Variants in COL4A2 observed in about 807,000 individuals in gnomAD.
COL4A2 encodes the protein collagen alpha-2(IV) chain.
COL4A2 carries 99 observed loss-of-function variants against 200.2 expected under a neutral mutation model. The observed-to-expected ratio is 0.49, with a 90% CI of 0.42 to 0.58. COL4A2 has a LOEUF of 0.58. COL4A2 is among the 20% of genes least tolerant of loss of function. COL4A2 has a pLI of 0.00. For synonymous variants in COL4A2, 897 were observed against 900.6 expected (o/e 1.00, Z 0.07); for missense variants, 1,950 against 2,314.1 (o/e 0.84, Z 3.23).
rs3825490 is a variant in COL4A2, at chr13:110,465,637, C to T, written c.1978+31C>T. 0.078 allele frequency: 121,367 copies of T among 1,552,914 alleles called. 6,584 individuals are homozygous for T. The highest frequency in any genetic ancestry group is 0.25 in the East Asian group (11,317 of 44,406). On this transcript the variant is annotated intron_variant, in intron 25 of 47. Coordinates refer to ENST00000360467, the MANE Select transcript of COL4A2 (RefSeq NM_001846.4). ...AAGGAATCCTCCCTTTTACCTTTCACAGTCCTGAGACATTCCACGCTTTCC... is the reference window on the plus strand; with the variant it reads ...AAGGAATCCTCCCTTTTACCTTTCATAGTCCTGAGACATTCCACGCTTTCC...
At chr13:110,430,233 CT>C in intron 8 of COL4A2, 167 bp from the exon 9 acceptor site, 1 of 812,260 alleles carries the variant, frequency 1.2e-6, no homozygotes. Flanking sequence ...AAAATATATT[CT>C]GACTAAATAA....
rs531069117 is a variant in COL4A2 at position 110,420,441 on chromosome 13, A to G, written c.181-4293A>G. 8.6e-5 allele frequency among the ~76,000 whole-genome samples: 13 copies of G among 151,112 alleles called. No homozygotes were observed. The South Asian group carries it at 2.3e-3, about 27-fold the overall frequency. ...CAGGGCGGGGGGCAGGGGACATGAC[A>G]TTACCACTCCTGTCCACAGCGTCTC... On this transcript the variant is annotated intron_variant, in intron 4 of 47. Transcript: ENST00000360467.
rs547382652 is a variant in COL4A2 at position 110,320,661 on chromosome 13, T to C, written c.99+12538T>C. 4.0e-5 allele frequency among the ~76,000 whole-genome samples: 6 copies of C among 149,282 alleles called. No individual in the cohort carries two copies. The South Asian group carries it at 1.2e-3, about 31-fold the overall frequency. ...CTAACTCTGAGGCCATCTGCTTCTT[T>C]TTATATCAAAACAGAGCAGCGTCTC... On this transcript the variant is annotated intron_variant, in intron 3 of 47. Transcript: ENST00000360467.
intron 3 of COL4A2, among the ~76,000 whole-genome samples, chr13:110,330,395 G>A (rs912390270): frequency 2.0e-5 from 3 of 152,150 alleles, no homozygotes; most frequent in African/African-American, 4.8e-5. Flanking sequence ...GCTGGGAGGC[G>A]CGGGGTGGAG....
Position 110,317,655 on chromosome 13 carries a change from A to G in COL4A2, c.99+9532A>G, listed in dbSNP as rs112732352. ...ATACATGAGAATGGGCAAAGGGACA[A>G]TTTCACCTGCAGAACCAAGAGTCCT... On this transcript the variant is annotated intron_variant, in intron 3 of 47. Coordinates refer to ENST00000360467, the MANE Select transcript of COL4A2 (RefSeq NM_001846.4). Among the ~76,000 whole-genome samples the G allele has an allele frequency of 4.4e-3, 674 of 152,310 alleles. 2 individuals are homozygous for G. Among genetic ancestry groups the G allele is most frequent in the African/African-American group, 0.015 (629 of 41,568 alleles).
intron 14 of COL4A2, 49 bp from the exon 15 acceptor site, chr13:110,438,569 G>T (rs1460191875): frequency 3.1e-6 from 5 of 1,612,610 alleles, no homozygotes; most frequent in Non-Finnish European, 4.2e-6. Context: ...CTGTTGGCTG[G>T]AGGGGCCGCC....
chr13:110,512,225 T>C lies in COL4A2; in HGVS notation c.*34T>C. The stretch of plus-strand genomic sequence containing the variant: ...GTGCCAGGAAGGGCCATTTTGGTGC[T>C]TATTCTTAACTTATTACCTCAGGTG... On this transcript the variant is annotated 3_prime_UTR_variant, in exon 48 of 48. Coordinates refer to ENST00000360467, the MANE Select transcript of COL4A2 (RefSeq NM_001846.4). 1 of 1,591,106 alleles carries C rather than the reference T, an allele frequency of 6.3e-7. No individual in the cohort carries two copies. Among genetic ancestry groups the C allele is most frequent in the Non-Finnish European group, 8.5e-7 (1 of 1,171,126 alleles).
At chr13:110,491,484 C>G (rs1165088472) in intron 37 of COL4A2, 144 bp downstream of exon 37, 1 of 664,408 alleles carries the variant, frequency 1.5e-6, no homozygotes, top group Non-Finnish European at 2.7e-6. Context: ...AGGAGCTTTC[C>G]TCAGTGCTGA....
At chr13:110,492,202 C>T in intron 38 of COL4A2, 25 bp downstream of exon 38, 1 of 1,544,064 alleles carries the variant, frequency 6.5e-7, no homozygotes, top group Non-Finnish European at 8.8e-7. Flanking sequence ...AACACGTGGT[C>T]ACCCAGACCC....
In COL4A2 at chr13:110,485,833, CCG is replaced by C; in HGVS notation, c.3205_3206del (p.Arg1069GlyfsTer2). 1 of 1,613,296 alleles carries C rather than the reference CCG, an allele frequency of 6.2e-7. No individual in the cohort carries two copies. On this transcript the variant is annotated frameshift_variant and splice_region_variant, in exon 34 of 48. Coordinates refer to ENST00000360467, the MANE Select transcript of COL4A2 (RefSeq NM_001846.4). LOFTEE classifies it high-confidence loss of function. ...CGGGATTCCCAGGATTCATAGGAAG[CCG>C]GGTGAGTGGGCGTCTTTTACTCCCC... ...ITGFPGFIGS[R>X]GDKGAPGRAG...
chr13:110,487,007 C>T (rs571866797), intron 34 of COL4A2, among the ~76,000 whole-genome samples: 1 of 152,184 alleles, frequency 6.6e-6, no homozygotes, highest in Admixed American at 6.5e-5. Context: ...CAGTGTGAAC[C>T]CTTAGTAGCA....
chr13:110,336,402 A>G (rs1392725551), intron 3 of COL4A2, among the ~76,000 whole-genome samples: 1 of 152,206 alleles, frequency 6.6e-6, no homozygotes, highest in Non-Finnish European at 1.5e-5. Context: ...AGGTTTTTAT[A>G]GGCTCCATAA....
In COL4A2 at chr13:110,495,537, G is replaced by T. The variant is rs76809453; in HGVS notation, c.3760+70G>T. ...GAACCCACCCAGAGGTGGGGCCATG[G>T]AGTGTCTATGGGGTGGGAGAGGCTG... On this transcript the variant is annotated intron_variant, in intron 40 of 47. Coordinates refer to ENST00000360467, the MANE Select transcript of COL4A2 (RefSeq NM_001846.4). 5,255 of 1,561,778 alleles carry T rather than the reference G, an allele frequency of 3.4e-3. 114 individuals are homozygous for T. The African/African-American group carries it at 0.053, about 16-fold the overall frequency.
intron 3 of COL4A2, among the ~76,000 whole-genome samples, chr13:110,352,338 A>C (rs548214843): frequency 1.2e-3 from 183 of 152,316 alleles, no homozygotes; most frequent in African/African-American, 4.1e-3. Flanking sequence ...TTAAGGACCC[A>C]CTGTTCCTAA....
intron 4 of COL4A2, among the ~76,000 whole-genome samples, chr13:110,403,618 T>G (rs1196083658): frequency 6.6e-6 from 1 of 152,192 alleles, no homozygotes; most frequent in Non-Finnish European, 1.5e-5. Flanking sequence ...ACAGCCCCCC[T>G]CTTCTTATGA....
Position 110,365,077 on chromosome 13 carries a change from G to A in COL4A2, c.180+7525G>A, listed in dbSNP as rs116886304. On this transcript the variant is annotated intron_variant, in intron 4 of 47. Coordinates refer to ENST00000360467, the MANE Select transcript of COL4A2 (RefSeq NM_001846.4). Reference sequence around the variant, plus strand: ...TGTTTTTAAATTTTAGTAGCCAACTGTGGCTATGCATAATCCACTGCCTGT... The same window carrying A: ...TGTTTTTAAATTTTAGTAGCCAACTATGGCTATGCATAATCCACTGCCTGT... Among the ~76,000 whole-genome samples the A allele has an allele frequency of 6.9e-3, 1,056 of 152,174 alleles. 7 individuals are homozygous for A. The highest frequency in any genetic ancestry group is 0.011 in the Non-Finnish European group (720 of 68,010).
intron 4 of COL4A2, among the ~76,000 whole-genome samples, chr13:110,411,724 G>A (rs558897937): frequency 1.3e-5 from 2 of 152,232 alleles, no homozygotes; most frequent in South Asian, 2.1e-4. Flanking sequence ...CTTAATTATC[G>A]CTTCAGGAAG....
intron 17 of COL4A2, among the ~76,000 whole-genome samples, chr13:110,446,101 C>T (rs970105478): frequency 1.3e-5 from 2 of 152,192 alleles, no homozygotes; most frequent in Non-Finnish European, 2.9e-5. Context: ...CCACTCAGGG[C>T]CACGTAGGGG....
intron 3 of COL4A2, among the ~76,000 whole-genome samples, chr13:110,313,125 G>A (rs1885031537): frequency 6.6e-6 from 1 of 152,116 alleles, no homozygotes; most frequent in Admixed American, 6.5e-5. Flanking sequence ...TCACGGTGTC[G>A]AGAAGCTTCT....
Sources: gnomAD v4.1 joint callset for allele counts (sites outside exome capture counted in the v4.1 genomes callset) on GRCh38, gnomAD v4.1.1 for gene constraint, MANE v1.5 for transcripts, NCBI Gene and HGNC (gene_info 2026-07-23, HGNC 2026-07-21) for gene names.